The following CALCOCO1 variants were observed in gnomAD, a reference collection of about 807,000 sequenced individuals.
The protein encoded by CALCOCO1 is calcium binding and coiled-coil domain 1.
CALCOCO1 carries 44 observed loss-of-function variants against 86.3 expected under a neutral mutation model. That is an observed-to-expected ratio of 0.51 (90% CI 0.40 to 0.66). CALCOCO1 has a LOEUF of 0.66. Ranked by LOEUF, CALCOCO1 falls within the 30% of genes least tolerant of loss-of-function variation. The probability of loss-of-function intolerance (pLI) is 0.00; values close to 1 mark genes in which losing one functional copy is unlikely to be tolerated. For synonymous variants in CALCOCO1, 297 were observed against 327.6 expected (o/e 0.91, Z 1.01); for missense variants, 708 against 851.1 (o/e 0.83, Z 2.09).
In CALCOCO1 at chr12:53,713,805, A is replaced by T. The variant is rs1216996061; in HGVS notation, c.1687T>A (p.Ser563Thr). ...GLCERGDPGS[S>T]PAGPREASPL... ...GAAGCCTCTCGAGGCCCAGCAGGAG[A>T]GGAGCCTGGGTCTCCACGCTCACAA... The change falls in exon 13 of 15, where the codon TCT (serine) becomes ACT (threonine). Residue 563 changes from serine (S) to threonine (T), a missense_variant. Physicochemically the swap from Ser to Thr is moderately conservative, Grantham distance 58. Transcript: ENST00000550804. The T allele has an allele frequency of 6.3e-7, 1 of 1,589,562 alleles. No individual in the cohort carries two copies. Among genetic ancestry groups the T allele is most frequent in the Admixed American group, 1.8e-5 (1 of 55,320 alleles).
At chr12:53,721,672 T>C (rs1945871451) in intron 5 of CALCOCO1, 57 bp from the exon 6 acceptor site, 1 of 1,604,896 alleles carries the variant, frequency 6.2e-7, no homozygotes. Context: ...TCTCAAGTGG[T>C]GGAACAAAGG....
chr12:53,716,146 G>C, intron 8 of CALCOCO1, 99 bp from the exon 9 acceptor site: 2 of 1,580,236 alleles, frequency 1.3e-6, no homozygotes, highest in Non-Finnish European at 1.7e-6. Context: ...TAGGACTCGG[G>C]GTTGTGTTGT....
intron 2 of CALCOCO1, 96 bp from the exon 3 acceptor site, chr12:53,724,843 G>T: frequency 1.0e-6 from 1 of 974,762 alleles, no homozygotes; most frequent in South Asian, 1.6e-5. Flanking sequence ...GGGCAGGATG[G>T]AGCTACAGTG....
In CALCOCO1 at chr12:53,723,897, C is replaced by T. The variant is rs953477662; in HGVS notation, c.260-114G>A. 1.2e-5 allele frequency: 10 copies of T among 830,564 alleles called. No homozygotes were observed. The African/African-American group carries it at 1.7e-4, about 14-fold the overall frequency. The allele number at this position is 830,564 out of a possible 1,614,324, so 51.4% of individuals were successfully genotyped here. A position where few individuals can be genotyped will look rare whatever the true frequency, so the allele number is the denominator to read the frequency against. On this transcript the variant is annotated intron_variant, in intron 3 of 14. Transcript: ENST00000550804. ...TCTTCTCCACCTCCCACAGGCCATA[C>T]TCTTCTCCCTCCTTTCTGCCTGTCC...
At chr12:53,713,278 G>A in intron 13 of CALCOCO1, 72 bp from the exon 14 acceptor site, 1 of 1,286,110 alleles carries the variant, frequency 7.8e-7, no homozygotes, top group East Asian at 2.3e-5. Flanking sequence ...ATTGGGACAG[G>A]TATGGGAAGA....
intron 5 of CALCOCO1, 41 bp downstream of exon 5, chr12:53,721,984 T>C (rs898532601): frequency 6.2e-7 from 1 of 1,608,412 alleles, no homozygotes; most frequent in African/African-American, 1.3e-5. Context: ...GGATGCTGGG[T>C]GAGCAGCCAG....
intron 8 of CALCOCO1, 48 bp from the exon 9 acceptor site, chr12:53,716,095 C>T (rs757883160): frequency 1.9e-6 from 3 of 1,604,750 alleles, no homozygotes; most frequent in Non-Finnish European, 2.5e-6. Flanking sequence ...GTGAATCATT[C>T]ATCAGCCAGG....
chr12:53,713,435 A>G (rs1333825627), intron 13 of CALCOCO1, among the ~76,000 whole-genome samples: 12 of 152,114 alleles, frequency 7.9e-5, no homozygotes, highest in Admixed American at 7.2e-4. Flanking sequence ...GATGATATCT[A>G]CTGGTGTGGC....
At position 53,713,446 on chromosome 12, in the gene CALCOCO1, A is replaced by G. The variant is rs1006020458; in HGVS notation, c.1792-240T>C. 1.2e-4 allele frequency among the ~76,000 whole-genome samples: 18 copies of G among 152,278 alleles called. No individual in the cohort carries two copies. In the East Asian group the frequency reaches 3.1e-3, roughly 26 times the overall value. On this transcript the variant is annotated intron_variant, in intron 13 of 14. Coordinates refer to ENST00000550804, the MANE Select transcript of CALCOCO1 (RefSeq NM_020898.3). ...TTGGGATGATATCTACTGGTGTGGC[A>G]CTGAAGAGAGGCTGGGCCTGCCTCC...
At position 53,723,799 on chromosome 12, in the gene CALCOCO1, T is replaced by A; in HGVS notation, c.260-16A>T. The A allele has an allele frequency of 4.3e-6, 7 of 1,609,628 alleles. No individual in the cohort carries two copies. Among genetic ancestry groups the A allele is most frequent in the Non-Finnish European group, 5.9e-6 (7 of 1,176,842 alleles). On this transcript the variant is annotated splice_polypyrimidine_tract_variant and intron_variant, in intron 3 of 14. Transcript: ENST00000550804. Reference sequence around the variant, plus strand: ...AGGTAGCTGGCTGTGGGAAGAAGAATGGACCCAGGACCCCAATAATCCACT... The same window carrying A: ...AGGTAGCTGGCTGTGGGAAGAAGAAAGGACCCAGGACCCCAATAATCCACT...
At position 53,708,757 on chromosome 12, in the gene CALCOCO1, A is replaced by T. The variant is rs1447495851; in HGVS notation, c.*3187T>A. 6.6e-6 allele frequency: 1 copy of T among 152,252 alleles called. No homozygotes were observed. The highest frequency in any genetic ancestry group is 1.5e-5 in the Non-Finnish European group (1 of 68,048). The allele number at this position is 152,252 out of a possible 1,614,324, so 9.4% of individuals were successfully genotyped here. On this transcript the variant is annotated 3_prime_UTR_variant, in exon 15 of 15. Coordinates refer to ENST00000550804, the MANE Select transcript of CALCOCO1 (RefSeq NM_020898.3). Reference sequence around the variant, plus strand: ...CAGTTTAGGGAGAATAAAAAGTTGTAAACACATGTAGCATCTTTTTATAAA... The same window carrying T: ...CAGTTTAGGGAGAATAAAAAGTTGTTAACACATGTAGCATCTTTTTATAAA...
intron 3 of CALCOCO1, 100 bp downstream of exon 3, chr12:53,724,545 G>T: frequency 2.4e-6 from 2 of 829,368 alleles, no homozygotes; most frequent in Admixed American, 2.0e-5. Context: ...ATTTTTCCTT[G>T]TCCTTTGTGC....
Position 53,715,275 on chromosome 12 carries a change from C to T in CALCOCO1, c.1311G>A (p.Glu437=), listed in dbSNP as rs1189015060. Residue 437 remains glutamate, a synonymous_variant, in exon 10 of 15, where the codon GAG becomes GAA. Coordinates refer to ENST00000550804, the MANE Select transcript of CALCOCO1 (RefSeq NM_020898.3). ...LKLSAEILRL[E]KAVQEERTQN... is the part of the protein sequence containing the mutation. Reference sequence around the variant, plus strand: ...GGGTCCTCTCCTCCTGAACTGCCTTCTCCAATCGAAGTATCTCTGCACTCA... The same window carrying T: ...GGGTCCTCTCCTCCTGAACTGCCTTTTCCAATCGAAGTATCTCTGCACTCA... 6.2e-7 allele frequency: 1 copy of T among 1,614,046 alleles called. No homozygotes were observed. Among genetic ancestry groups the T allele is most frequent in the African/African-American group, 1.3e-5 (1 of 74,916 alleles).
At chr12:53,713,475 C>T (rs972735306) in intron 13 of CALCOCO1, among the ~76,000 whole-genome samples, 3 of 152,124 alleles carry the variant, frequency 2.0e-5, no homozygotes, top group Non-Finnish European at 4.4e-5. Context: ...TGCCTCCTCT[C>T]CCCTGGGAAA....
rs758463673 is a variant in CALCOCO1, at chr12:53,714,607, C to G, written c.1473G>C (p.Glu491Asp). 1.2e-6 allele frequency: 2 copies of G among 1,613,812 alleles called. No individual in the cohort carries two copies. The highest frequency in any genetic ancestry group is 2.2e-5 in the South Asian group (2 of 91,070). The change falls in exon 11 of 15, where the codon GAG (glutamate) becomes GAC (aspartate). Residue 491 changes from glutamate (E) to aspartate (D), a missense_variant. Physicochemically the swap from Glu to Asp is conservative, Grantham distance 45. Transcript: ENST00000550804. ...GGTTATGGGTGCTCACCTGTTTCTC[C>G]TCCTGTAACTGCTCCTTTTCCTTCT... Reference protein sequence around the residue: ...VLQKEKEQLQEEKQELLEYMR... With the variant: ...VLQKEKEQLQDEKQELLEYMR...
intron 14 of CALCOCO1, 191 bp from the exon 15 acceptor site, chr12:53,712,312 C>T (rs949934687): frequency 1.2e-5 from 7 of 575,648 alleles, no homozygotes; most frequent in African/African-American, 3.8e-5. Flanking sequence ...TTCCCCATGT[C>T]CTCTCTTCTT....
At chr12:53,726,281 T>C (rs1682669650) in intron 1 of CALCOCO1, 1 of 152,286 alleles carries the variant, frequency 6.6e-6, no homozygotes, top group African/African-American at 2.4e-5. Flanking sequence ...ATTTTCTCTC[T>C]GCTCCCCTCA....
At chr12:53,725,399 G>T in intron 1 of CALCOCO1, 133 bp from the exon 2 acceptor site, 1 of 587,880 alleles carries the variant, frequency 1.7e-6, no homozygotes. Flanking sequence ...AGTCCCTGAG[G>T]GTTACGGGAC....
intron 13 of CALCOCO1, 75 bp from the exon 14 acceptor site, chr12:53,713,281 T>A: frequency 1.6e-6 from 2 of 1,259,488 alleles, no homozygotes; most frequent in South Asian, 2.4e-5. Flanking sequence ...GGGACAGGTA[T>A]GGGAAGAGCA....
Sources: gnomAD v4.1 joint callset for allele counts (sites outside exome capture counted in the v4.1 genomes callset) on GRCh38, gnomAD v4.1.1 for gene constraint, MANE v1.5 for transcripts, NCBI Gene and HGNC (gene_info 2026-07-23, HGNC 2026-07-21) for gene names.